DNAJB12: variants seen among roughly 807,000 people sequenced by gnomAD.
The protein encoded by DNAJB12 is DnaJ heat shock protein family (Hsp40) member B12.
DNAJB12 carries 14 observed loss-of-function variants against 40.6 expected under a neutral mutation model. The ratio of observed to expected loss-of-function variants is 0.34; its 90% confidence interval spans 0.23 to 0.54. The LOEUF is 0.54. DNAJB12 is among the 20% of genes least tolerant of loss of function. The pLI, the probability that DNAJB12 is intolerant of heterozygous loss-of-function variation, is 0.92. For missense variants in DNAJB12, 444 were observed against 501.7 expected (o/e 0.89, Z 1.10); for synonymous variants, 181 against 199.5 (o/e 0.91, Z 0.78).
At chr10:72,354,423 A>C in intron 1 of DNAJB12, 2 of 272,236 alleles carry the variant, frequency 7.3e-6, no homozygotes, top group Non-Finnish European at 7.1e-6. Context: ...GGCCTGGGCT[A>C]CCGAACGGCC....
chr10:72,351,875 C>A (rs544351983), intron 1 of DNAJB12, among the ~76,000 whole-genome samples: 1 of 152,248 alleles, frequency 6.6e-6, no homozygotes, highest in Non-Finnish European at 1.5e-5. Flanking sequence ...ACCTCCCACT[C>A]TGCTCATCTC....
intron 3 of DNAJB12, among the ~76,000 whole-genome samples, chr10:72,341,659 A>C (rs144417157): frequency 6.6e-6 from 1 of 152,160 alleles, no homozygotes; most frequent in East Asian, 1.9e-4. Context: ...TTTTGTAGAG[A>C]TGAGGTCTTG....
Position 72,335,038 on chromosome 10 carries a change from C to G in DNAJB12, c.*31-421G>C, listed in dbSNP as rs1040780859. 2.9e-6 allele frequency: 3 copies of G among 1,025,938 alleles called. No individual in the cohort carries two copies. The African/African-American group carries it at 5.2e-5, about 18-fold the overall frequency. 63.6% of individuals were successfully genotyped at this position (1,025,938 alleles called of 1,614,324 possible). On this transcript the variant is annotated intron_variant, in intron 8 of 8. Transcript: ENST00000444643. The surrounding 1 kb of genome is among the most constrained non-coding windows in gnomAD (Gnocchi z 4.4). The stretch of plus-strand genomic sequence containing the variant: ...TCCCCTCCACCCCTCCTGTGCTGAG[C>G]GGCTGCGTCTGACCCTGAACTCATG...
intron 2 of DNAJB12, among the ~76,000 whole-genome samples, chr10:72,344,562 G>A (rs1861729749): frequency 6.6e-6 from 1 of 152,258 alleles, no homozygotes. Flanking sequence ...ATCTAAAAGG[G>A]TCTTTGTTGG....
chr10:72,337,764 C>A (rs368796242), intron 6 of DNAJB12, among the ~76,000 whole-genome samples: 1 of 152,078 alleles, frequency 6.6e-6, no homozygotes, highest in South Asian at 2.1e-4. Flanking sequence ...TCAGGAAGCC[C>A]AACCAGAGCC....
intron 1 of DNAJB12, among the ~76,000 whole-genome samples, chr10:72,348,195 C>A (rs763804783): frequency 8.5e-5 from 13 of 152,202 alleles, no homozygotes; most frequent in Admixed American, 5.2e-4. Context: ...GCACTCCAGC[C>A]TGGGCAACAG....
intron 1 of DNAJB12, among the ~76,000 whole-genome samples, chr10:72,352,109 T>A (rs968739198): frequency 6.6e-6 from 1 of 152,208 alleles, no homozygotes; most frequent in Non-Finnish European, 1.5e-5. Context: ...CCTGAAGCTC[T>A]CTTCCCTCTC....
At chr10:72,348,205 G>C (rs1184723989) in intron 1 of DNAJB12, among the ~76,000 whole-genome samples, 1 of 152,196 alleles carries the variant, frequency 6.6e-6, no homozygotes, top group Non-Finnish European at 1.5e-5. Context: ...CTGGGCAACA[G>C]AGCAAGACTC....
chr10:72,344,121 G>C (rs1270782955), intron 2 of DNAJB12, among the ~76,000 whole-genome samples: 1 of 152,080 alleles, frequency 6.6e-6, no homozygotes, highest in Non-Finnish European at 1.5e-5. Flanking sequence ...CGCAAGCACA[G>C]GGCCTAAAGA....
chr10:72,343,436 G>C lies in DNAJB12; in HGVS notation c.387C>G (p.Ala129=), dbSNP rs760391662. The C allele has an allele frequency of 4.3e-6, 7 of 1,614,214 alleles. No individual in the cohort carries two copies. The highest frequency in any genetic ancestry group is 5.9e-6 in the Non-Finnish European group (7 of 1,180,024). Residue 129 remains alanine (A), a synonymous_variant, in exon 3 of 9, where the codon GCC becomes GCG. Coordinates refer to ENST00000444643, the MANE Select transcript of DNAJB12 (RefSeq NM_017626.7). Reference sequence around the variant, plus strand: ...GGAATTTGAGGGCCAGTCTGCGGTAGGCCTTCTTCAGGTCCTCATCCGAGG... The same window carrying C: ...GGAATTTGAGGGCCAGTCTGCGGTACGCCTTCTTCAGGTCCTCATCCGAGG... ...RGASDEDLKK[A]YRRLALKFHP... is the part of the protein sequence containing the mutation.
chr10:72,344,877 T>C (rs1171014809), intron 2 of DNAJB12, 73 bp downstream of exon 2: 1 of 1,565,226 alleles, frequency 6.4e-7, no homozygotes, highest in Non-Finnish European at 8.8e-7. Context: ...AGATGGGAGG[T>C]GGAGGACATG....
chr10:72,345,764 C>T (rs1333291377), intron 1 of DNAJB12, among the ~76,000 whole-genome samples: 2 of 150,474 alleles, frequency 1.3e-5, no homozygotes, highest in African/African-American at 2.4e-5. Context: ...TAGTGGTGGG[C>T]GCCTGTAATC....
Position 72,341,083 on chromosome 10 carries a change from C to T in DNAJB12, c.545G>A (p.Arg182Gln), listed in dbSNP as rs749399633. The T allele has an allele frequency of 5.1e-5, 83 of 1,614,072 alleles. No individual in the cohort carries two copies. Among genetic ancestry groups the T allele is most frequent in the Non-Finnish European group, 6.6e-5 (78 of 1,180,042 alleles). Residue 182 changes from arginine to glutamine, a missense_variant, in exon 4 of 9, where the codon CGG (arginine) becomes CAG (glutamine). Coordinates refer to ENST00000444643, the MANE Select transcript of DNAJB12 (RefSeq NM_017626.7). ...GAAATCCCCATGCCCATGGCCGTGC[C>T]GGGCCGCCTGGCTCTTGTCATCGCC... ...QFGDDKSQAA[R>Q]HGHGHGDFHR...
At chr10:72,341,234 A>G (rs542360918) in intron 3 of DNAJB12, 64 bp from the exon 4 acceptor site, 2 of 1,486,498 alleles carry the variant, frequency 1.3e-6, no homozygotes, top group Non-Finnish European at 1.8e-6. Context: ...CTCCCATGGC[A>G]GCCGAGTGCT....
Position 72,345,030 on chromosome 10 carries a change from G to A in DNAJB12, c.231C>T (p.Thr77=), listed in dbSNP as rs190575933. The A allele has an allele frequency of 1.1e-5, 18 of 1,614,094 alleles. No individual in the cohort carries two copies. In the Admixed American group the frequency reaches 1.3e-4, roughly 12 times the overall value. Residue 77 remains threonine, a synonymous_variant, in exon 2 of 9, where the codon ACC becomes ACT. Coordinates refer to ENST00000444643, the MANE Select transcript of DNAJB12 (RefSeq NM_017626.7). ...CTTCACCGTTGGCCGAGGGGGCATC[G>A]GTCCCACCTGCTTTCCTGTGGGTGG... The part of the protein sequence containing the change: ...THATHRKAGG[T]DAPSANGEAG...
chr10:72,334,311 C>A lies in DNAJB12; in HGVS notation c.*337G>T. The A allele has an allele frequency of 2.1e-6, 1 of 473,718 alleles. No homozygotes were observed. The allele number at this position is 473,718 out of a possible 1,614,324, so 29.3% of individuals were successfully genotyped here. A position where few individuals can be genotyped will look rare whatever the true frequency, so the allele number is the denominator to read the frequency against. On this transcript the variant is annotated 3_prime_UTR_variant, in exon 9 of 9. Coordinates refer to ENST00000444643, the MANE Select transcript of DNAJB12 (RefSeq NM_017626.7). ...AAAGGCAGCTGGGTGCCCCCTCCCC[C>A]AGCCCTTCCCACTGATATCTGCTGC...
At chr10:72,340,962 T>C (rs755428025) in intron 4 of DNAJB12, 23 bp downstream of exon 4, 1 of 1,611,688 alleles carries the variant, frequency 6.2e-7, no homozygotes. Context: ...GATACCTGGC[T>C]GTGGGGAGGG....
In DNAJB12 at chr10:72,345,353, G is replaced by A. The variant is rs182228500; in HGVS notation, c.134-226C>T. ...GTGGTGGTTCACACCTGTAATCCCAGCATTTTGGGAGGCTGAGGCAGGCAG... is the reference window on the plus strand; with the variant it reads ...GTGGTGGTTCACACCTGTAATCCCAACATTTTGGGAGGCTGAGGCAGGCAG... On this transcript the variant is annotated intron_variant, in intron 1 of 8. Transcript: ENST00000444643. 2.0e-5 allele frequency among the ~76,000 whole-genome samples: 3 copies of A among 152,304 alleles called. No individual in the cohort carries two copies. The East Asian group carries it at 5.8e-4, about 29-fold the overall frequency.
Position 72,334,345 on chromosome 10 carries a change from C to A in DNAJB12, c.*303G>T. On this transcript the variant is annotated 3_prime_UTR_variant, in exon 9 of 9. Transcript: ENST00000444643. ...CCACTGATATCTGCTGCGAGTTTTA[C>A]ATTCTACTTTCGTTGCCATGGTTTC... 1.9e-6 allele frequency: 1 copy of A among 530,220 alleles called. No individual in the cohort carries two copies. Among genetic ancestry groups the A allele is most frequent in the Non-Finnish European group, 3.3e-6 (1 of 306,050 alleles). The allele number at this position is 530,220 out of a possible 1,614,324, so 32.8% of individuals were successfully genotyped here.
Sources: allele counts gnomAD v4.1 joint callset (sites outside exome capture counted in the v4.1 genomes callset), GRCh38; gene constraint gnomAD v4.1.1; non-coding constraint Gnocchi (gnomAD v3.1); transcripts MANE v1.5; gene names NCBI Gene and HGNC (gene_info 2026-07-23, HGNC 2026-07-21).